Variants in NMRAL1 observed in about 807,000 individuals in gnomAD.
NMRAL1 encodes nmrA-like family domain-containing protein 1.
In NMRAL1, 32 loss-of-function variants were observed where a neutral mutation model predicts 27.5. That is an observed-to-expected ratio of 1.16 (90% CI 0.88 to 1.56). NMRAL1 has a LOEUF of 1.56. Ranked by LOEUF, NMRAL1 falls within the 40% of genes most tolerant of loss-of-function variation. The pLI is 0.00. For missense variants in NMRAL1, 420 were observed against 392.0 expected (o/e 1.07, Z -0.60); for synonymous variants, 166 against 166.8 (o/e 1.00, Z 0.04).
chr16:4,463,576 G>T, intron 5 of NMRAL1, 84 bp downstream of exon 5: 1 of 1,178,440 alleles, frequency 8.5e-7, no homozygotes, highest in Non-Finnish European at 1.2e-6. Flanking sequence ...GCCCAGAGGT[G>T]TGGGCAGCCC....
At chr16:4,471,643 C>A (rs367874596) in intron 2 of NMRAL1, among the ~76,000 whole-genome samples, 3 of 147,374 alleles carry the variant, frequency 2.0e-5, no homozygotes, top group Non-Finnish European at 3.0e-5. Context: ...AAAAAAAATT[C>A]TTTATTATAT....
rs765509851 is a variant in NMRAL1 at position 4,463,734 on chromosome 16, T to C, written c.646A>G (p.Thr216Ala). ...KYVGQNIGLS[T>A]CRHTAEEYAA... ...TACTCCTCGGCCGTGTGCCTGCAAG[T>C]GCTCAGCCCGATGTTCTGGCCGACG... The change falls in exon 5 of 6, where the codon ACT becomes GCT. Residue 216 changes from threonine to alanine, a missense_variant. Transcript: ENST00000283429. The C allele has an allele frequency of 1.2e-6, 2 of 1,614,084 alleles. No individual in the cohort carries two copies. The highest frequency in any genetic ancestry group is 1.7e-6 in the Non-Finnish European group (2 of 1,180,026).
rs2057324240 is a variant in NMRAL1, at chr16:4,466,262, GA to G, written c.419del (p.Phe140SerfsTer8). On this transcript the variant is annotated frameshift_variant, in exon 4 of 6. Coordinates refer to ENST00000283429, the MANE Select transcript of NMRAL1 (RefSeq NM_020677.6). LOFTEE classifies it high-confidence loss of function. ...TGGTCATGGGAACGCCAATGTCCCGGAAATATTCCTCCACCTCCCCTTTGCC... is the reference window on the plus strand; with the variant it reads ...TGGTCATGGGAACGCCAATGTCCCGGAATATTCCTCCACCTCCCCTTTGCC... ...FDGKGEVEEYFRDIGVPMTSV... is the reference protein window; with the variant it reads ...FDGKGEVEEYXRDIGVPMTSV... 6.2e-7 allele frequency: 1 copy of G among 1,614,002 alleles called. No homozygotes were observed. The highest frequency in any genetic ancestry group is 1.7e-5 in the Admixed American group (1 of 59,992).
chr16:4,474,196 G>C (rs1304928151), intron 1 of NMRAL1, 30 bp from the exon 2 acceptor site: 2 of 1,549,836 alleles, frequency 1.3e-6, no homozygotes, highest in Non-Finnish European at 1.8e-6. Flanking sequence ...TGGAGTTGGG[G>C]GTGGGGCCGG....
chr16:4,468,175 G>A (rs1040389757), intron 3 of NMRAL1, among the ~76,000 whole-genome samples: 1 of 152,056 alleles, frequency 6.6e-6, no homozygotes, highest in Non-Finnish European at 1.5e-5. Flanking sequence ...GGTGACGCAT[G>A]CATGTAATCT....
At chr16:4,465,027 C>A (rs2057265206) in intron 4 of NMRAL1, among the ~76,000 whole-genome samples, 1 of 152,230 alleles carries the variant, frequency 6.6e-6, no homozygotes, top group Non-Finnish European at 1.5e-5. Context: ...TCTGCCTCAG[C>A]CTCCCGAGTA....
intron 3 of NMRAL1, 40 bp downstream of exon 3, chr16:4,469,186 TA>T (rs1362459425): frequency 6.9e-7 from 1 of 1,443,262 alleles, no homozygotes; most frequent in African/African-American, 1.4e-5. Context: ...GCTCTGCTCC[TA>T]GCCTGGCCGG....
chr16:4,471,590 G>T (rs2057566981), intron 2 of NMRAL1: 1 of 142,764 alleles, frequency 7.0e-6, no homozygotes, highest in South Asian at 2.2e-4. Context: ...CTGCACGCCA[G>T]CCTGGGTAAC....
At chr16:4,473,439 TAAG>T (rs955375373) in intron 2 of NMRAL1, among the ~76,000 whole-genome samples, 1 of 151,772 alleles carries the variant, frequency 6.6e-6, no homozygotes, top group African/African-American at 2.4e-5. Context: ...TATGTATAAA[TAAG>T]AAAAAATAGG....
Position 4,461,877 on chromosome 16 carries a change from G to T in NMRAL1, c.803C>A (p.Pro268His). 6.2e-7 allele frequency: 1 copy of T among 1,614,208 alleles called. No homozygotes were observed. Among genetic ancestry groups the T allele is most frequent in the Non-Finnish European group, 8.5e-7 (1 of 1,180,026 alleles). Reference sequence around the variant, plus strand: ...CAGGGTCAGCTCGATGTCACGGTCGGGTCTCAGGGCATAGAAACGGAACAT... The same window carrying T: ...CAGGGTCAGCTCGATGTCACGGTCGTGTCTCAGGGCATAGAAACGGAACAT... ...ANMFRFYALR[P>H]DRDIELTLRL... Residue 268 changes from proline to histidine, a missense_variant, in exon 6 of 6, where the codon CCC becomes CAC. By Grantham distance (77) the Pro-to-His change is moderately conservative (BLOSUM62 -2). Transcript: ENST00000283429.
Position 4,469,440 on chromosome 16 carries a change from G to A in NMRAL1, c.66C>T (p.Arg22=). The A allele has an allele frequency of 1.2e-6, 2 of 1,613,920 alleles. No homozygotes were observed. The highest frequency in any genetic ancestry group is 1.7e-6 in the Non-Finnish European group (2 of 1,179,940). The part of the protein sequence containing the change: ...GTGAQGGSVA[R]TLLEDGTFKV... ...TGAATGTCCCATCTTCCAGGAGTGT[G>A]CGGGCCACGGAGCCACCCTGGGCAC... Residue 22 remains arginine, a synonymous_variant, in exon 3 of 6, where the codon CGC becomes CGT. Transcript: ENST00000283429.
At chr16:4,472,519 C>G (rs1222850679) in intron 2 of NMRAL1, among the ~76,000 whole-genome samples, 1 of 151,798 alleles carries the variant, frequency 6.6e-6, no homozygotes, top group Non-Finnish European at 1.5e-5. Flanking sequence ...CTGAAGTGGG[C>G]AGATCACCTG....
intron 2 of NMRAL1, among the ~76,000 whole-genome samples, chr16:4,473,698 G>A (rs779262941): frequency 6.6e-6 from 1 of 151,866 alleles, no homozygotes; most frequent in Non-Finnish European, 1.5e-5. Context: ...AGGCCGAGGC[G>A]GGTCATCACC....
Position 4,466,196 on chromosome 16 carries a change from G to A in NMRAL1, c.486C>T (p.His162=). ...CGTCTGGGGCTTTCTGGGGCAAGAA[G>A]TGGGAGAGGAGGTTCTCAAAATAGC... ...LPCYFENLLS[H]FLPQKAPDGK... The change falls in exon 4 of 6, where the codon CAC becomes CAT. Residue 162 remains histidine (H), a synonymous_variant. Transcript: ENST00000283429. 6.2e-7 allele frequency: 1 copy of A among 1,614,228 alleles called. No homozygotes were observed. Among genetic ancestry groups the A allele is most frequent in the East Asian group, 2.2e-5 (1 of 44,880 alleles).
In NMRAL1 at chr16:4,466,187, G is replaced by A. The variant is rs1305608842; in HGVS notation, c.495C>T (p.Pro165=). Residue 165 remains proline, a synonymous_variant, in exon 4 of 6, where the codon CCC becomes CCT. Coordinates refer to ENST00000283429, the MANE Select transcript of NMRAL1 (RefSeq NM_020677.6). ...AGCTCTTTCCGTCTGGGGCTTTCTG[G>A]GGCAAGAAGTGGGAGAGGAGGTTCT... The part of the protein sequence containing the change: ...YFENLLSHFL[P]QKAPDGKSYL... 1 of 1,614,150 alleles carries A rather than the reference G, an allele frequency of 6.2e-7. No homozygotes were observed. Among genetic ancestry groups the A allele is most frequent in the Admixed American group, 1.7e-5 (1 of 60,014 alleles).
At chr16:4,467,376 G>C (rs568200052) in intron 3 of NMRAL1, among the ~76,000 whole-genome samples, 2 of 152,080 alleles carry the variant, frequency 1.3e-5, no homozygotes, top group East Asian at 3.9e-4. Context: ...TGGGACTACA[G>C]GTGCCCGCCA....
chr16:4,462,014 C>T (rs1372009781), intron 5 of NMRAL1, 55 bp from the exon 6 acceptor site: 68 of 1,506,650 alleles, frequency 4.5e-5, no homozygotes, highest in South Asian at 2.8e-4. Context: ...CGGGAGGTGG[C>T]GGGGCAGGGA....
rs752343460 is a variant in NMRAL1, at chr16:4,466,137, G to A, written c.529+16C>T. On this transcript the variant is annotated intron_variant, in intron 4 of 5. Transcript: ENST00000283429. ...GTGAGAGCTCTGCCTCACCGTGTGC[G>A]AGAAAGGGCACTTACTCAGCAAGTA... is the stretch of plus-strand genomic sequence containing the variant. 8.1e-6 allele frequency: 13 copies of A among 1,613,620 alleles called. No homozygotes were observed. The highest frequency in any genetic ancestry group is 4.4e-5 in the South Asian group (4 of 91,058).
rs74005330 is a variant in NMRAL1 at position 4,463,282 on chromosome 16, G to A, written c.720+378C>T. 3.4e-3 allele frequency: 1,008 copies of A among 293,578 alleles called. 15 individuals carry two copies. Among genetic ancestry groups the A allele is most frequent in the African/African-American group, 0.019 (856 of 44,668 alleles). The allele number at this position is 293,578 out of a possible 1,614,324, so 18.2% of individuals were successfully genotyped here. The stretch of plus-strand genomic sequence containing the variant: ...GCCAGGCCAATGGGGGCAGGGGTCG[G>A]CCCTATCTTTCTAGCCTCTTTCCCT... On this transcript the variant is annotated intron_variant, in intron 5 of 5. Transcript: ENST00000283429.
Sources: gnomAD v4.1 joint callset for allele counts (sites outside exome capture counted in the v4.1 genomes callset) on GRCh38, gnomAD v4.1.1 for gene constraint, MANE v1.5 for transcripts, NCBI Gene and HGNC (gene_info 2026-07-23, HGNC 2026-07-21) for gene names.